Variants in DNM3 observed in about 807,000 individuals in gnomAD.
DNM3 encodes dynamin-3.
Under a neutral mutation model 101.6 loss-of-function variants are expected in DNM3, and 47 were observed. That is an observed-to-expected ratio of 0.46 (90% CI 0.37 to 0.59). The LOEUF (loss-of-function observed/expected upper bound fraction) is 0.59, where lower values mean the gene tolerates loss of function less well. DNM3 is among the 20% of genes least tolerant of loss of function. The pLI is 0.00. For missense variants in DNM3, 849 were observed against 1,085.7 expected, an observed-to-expected ratio of 0.78 and a Z score of 3.06; for synonymous variants, 385 against 387.9, an observed-to-expected ratio of 0.99 and a Z score of 0.09.
intron 10 of DNM3, among the ~76,000 whole-genome samples, chr1:172,050,402 A>C (rs1572258671): frequency 6.6e-6 from 1 of 152,184 alleles, no homozygotes; most frequent in Non-Finnish European, 1.5e-5. Context: ...TACAAGGGAC[A>C]GTTGTGCTGT....
chr1:172,336,959 A>G (rs935410530), intron 17 of DNM3, among the ~76,000 whole-genome samples: 2 of 152,232 alleles, frequency 1.3e-5, no homozygotes, highest in African/African-American at 4.8e-5. Context: ...TATGTAGAAT[A>G]GTGCAAGGAA....
chr1:172,259,408 A>G (rs918712331), intron 15 of DNM3, among the ~76,000 whole-genome samples: 1 of 152,046 alleles, frequency 6.6e-6, no homozygotes, highest in Non-Finnish European at 1.5e-5. Context: ...TATTTGCTTT[A>G]TATATCTGGG....
chr1:172,262,925 AC>A (rs1206141362), intron 15 of DNM3, among the ~76,000 whole-genome samples: 1 of 152,224 alleles, frequency 6.6e-6, no homozygotes, highest in Non-Finnish European at 1.5e-5. Context: ...CCTTTTGGTT[AC>A]TGAAACTGAT....
At chr1:172,199,105 G>T (rs12083886) in intron 14 of DNM3, among the ~76,000 whole-genome samples, 1,534 of 152,090 alleles carry the variant, frequency 0.01, 31 homozygotes, top group African/African-American at 0.035. Flanking sequence ...CTGGTGTGTT[G>T]TATCTGTGTT....
chr1:172,081,078 T>G (rs1185116948), intron 11 of DNM3, among the ~76,000 whole-genome samples: 1 of 151,786 alleles, frequency 6.6e-6, no homozygotes, highest in Admixed American at 6.6e-5. Flanking sequence ...TTAGCCATCT[T>G]ACCAGCCACC....
intron 14 of DNM3, among the ~76,000 whole-genome samples, chr1:172,248,927 G>A (rs1460508376): frequency 1.3e-5 from 2 of 152,078 alleles, no homozygotes; most frequent in Non-Finnish European, 2.9e-5. Context: ...AACAAGGAAG[G>A]ACTCATAGTC....
chr1:171,987,922 G>A, intron 3 of DNM3, 117 bp downstream of exon 3: 1 of 968,790 alleles, frequency 1.0e-6, no homozygotes, highest in Non-Finnish European at 1.4e-6. Flanking sequence ...GTATCCTTTG[G>A]ATACTGCCCA....
chr1:171,921,177 G>A (rs749894412), intron 1 of DNM3, among the ~76,000 whole-genome samples: 2 of 151,406 alleles, frequency 1.3e-5, no homozygotes, highest in Admixed American at 1.3e-4. Flanking sequence ...TGAACTCCTG[G>A]ACTCAAGCAA....
At chr1:172,082,282 A>T (rs74123793) in intron 12 of DNM3, among the ~76,000 whole-genome samples, 1 of 151,732 alleles carries the variant, frequency 6.6e-6, no homozygotes, top group Non-Finnish European at 1.5e-5. Context: ...AATTTACAGG[A>T]TGAAAGATGT....
At position 172,085,906 on chromosome 1, in the gene DNM3, A is replaced by G. The variant is rs561407489; in HGVS notation, c.1493+4004A>G. ...CATGAGAATGTTCTCTCTCTTGTGG[A>G]ATCAAAACTTAGGTATTGGAGTATA... On this transcript the variant is annotated intron_variant, in intron 12 of 20. Transcript: ENST00000627582. Among the ~76,000 whole-genome samples the G allele has an allele frequency of 9.9e-5, 15 of 152,216 alleles. No individual in the cohort carries two copies. The South Asian group carries it at 3.1e-3, about 32-fold the overall frequency.
chr1:172,328,626 C>CG (rs2066044044), intron 17 of DNM3, among the ~76,000 whole-genome samples: 1 of 151,954 alleles, frequency 6.6e-6, no homozygotes, highest in Non-Finnish European at 1.5e-5. Flanking sequence ...CAAGAGACAC[C>CG]GGGGCCTACT....
intron 14 of DNM3, among the ~76,000 whole-genome samples, chr1:172,180,200 A>T (rs1346523356): frequency 1.3e-5 from 2 of 152,130 alleles, no homozygotes; most frequent in East Asian, 3.9e-4. Context: ...TATGTAAAGA[A>T]TAAGATACTA....
At chr1:172,017,492 T>G (rs1000408006) in intron 4 of DNM3, among the ~76,000 whole-genome samples, 3 of 152,198 alleles carry the variant, frequency 2.0e-5, no homozygotes, top group Admixed American at 1.3e-4. Context: ...CCAAACATTT[T>G]GAGGTTTTCC....
At chr1:172,184,690 A>T (rs1410302363) in intron 14 of DNM3, among the ~76,000 whole-genome samples, 1 of 152,138 alleles carries the variant, frequency 6.6e-6, no homozygotes, top group Non-Finnish European at 1.5e-5. Flanking sequence ...ATGGGAAAGG[A>T]GGAAAAATCA....
chr1:171,935,493 G>A (rs1371662953), intron 2 of DNM3, among the ~76,000 whole-genome samples: 2 of 152,132 alleles, frequency 1.3e-5, no homozygotes, highest in African/African-American at 4.8e-5. Flanking sequence ...GGCTTGGGAG[G>A]ACAAGAGATG....
chr1:171,991,110 C>A (rs762008323), intron 4 of DNM3, among the ~76,000 whole-genome samples: 4 of 152,158 alleles, frequency 2.6e-5, no homozygotes, highest in Admixed American at 2.0e-4. Context: ...ACAAACTCAG[C>A]TTCTCCTACT....
intron 14 of DNM3, among the ~76,000 whole-genome samples, chr1:172,145,244 C>G (rs1030832799): frequency 6.6e-6 from 1 of 151,910 alleles, no homozygotes; most frequent in Non-Finnish European, 1.5e-5. Context: ...CCTTTTTGAG[C>G]TTTCCTGTGG....
chr1:171,903,846 A>G (rs572974162), intron 1 of DNM3, among the ~76,000 whole-genome samples: 1 of 152,326 alleles, frequency 6.6e-6, no homozygotes, highest in African/African-American at 2.4e-5. Context: ...ATTTTGCTTA[A>G]AAACTGCTTA....
At chr1:172,244,838 A>C (rs1335878333) in intron 14 of DNM3, among the ~76,000 whole-genome samples, 2 of 152,244 alleles carry the variant, frequency 1.3e-5, no homozygotes, top group Non-Finnish European at 2.9e-5. Context: ...CATTTGACCC[A>C]ACCATCCCAT....
Sources: gnomAD v4.1 joint callset for allele counts (sites outside exome capture counted in the v4.1 genomes callset) on GRCh38, gnomAD v4.1.1 for gene constraint, MANE v1.5 for transcripts, NCBI Gene and HGNC (gene_info 2026-07-23, HGNC 2026-07-21) for gene names.